The following NR4A3 variants were observed in gnomAD, a reference collection of about 807,000 sequenced individuals.
NR4A3 encodes nuclear receptor subfamily 4 group A member 3, also known as chondrosarcoma, extraskeletal myxoid, fused to EWS.
Under a neutral mutation model 55.6 loss-of-function variants are expected in NR4A3, and 13 were observed. The ratio of observed to expected loss-of-function variants is 0.23; its 90% CI spans 0.15 to 0.37. The LOEUF (loss-of-function observed/expected upper bound fraction) is 0.37. NR4A3 is among the 10% of genes least tolerant of loss of function. The pLI is 1.00. For missense variants in NR4A3, 646 were observed against 822.8 expected, an observed-to-expected ratio of 0.79 and a Z score of 2.63; for synonymous variants, 342 against 357.9, an observed-to-expected ratio of 0.96 and a Z score of 0.50.
At chr9:99,829,541 C>T (rs947782386) in intron 3 of NR4A3, among the ~76,000 whole-genome samples, 1 of 152,294 alleles carries the variant, frequency 6.6e-6, no homozygotes, top group South Asian at 2.1e-4. Flanking sequence ...AGAGGTTAAT[C>T]AGCTGCCTCA....
intron 7 of NR4A3, among the ~76,000 whole-genome samples, chr9:99,848,628 G>A (rs1268088684): frequency 6.6e-6 from 1 of 152,190 alleles, no homozygotes; most frequent in Non-Finnish European, 1.5e-5. Flanking sequence ...CCTGGCGTGA[G>A]CCACCACACC....
At chr9:99,844,602 T>C in intron 5 of NR4A3, 47 bp from the exon 6 acceptor site, 1 of 1,510,418 alleles carries the variant, frequency 6.6e-7, no homozygotes, top group East Asian at 2.3e-5. Flanking sequence ...GATGCCATCA[T>C]CCCCACTGAA....
chr9:99,860,440 T>A (rs765130390), intron 7 of NR4A3, among the ~76,000 whole-genome samples: 3 of 152,232 alleles, frequency 2.0e-5, no homozygotes, highest in Non-Finnish European at 2.9e-5. Flanking sequence ...GTTAAATGTT[T>A]CCTTTGGATA....
chr9:99,829,467 TAACAGTGTTTTAA>T (rs1224070590), intron 3 of NR4A3, among the ~76,000 whole-genome samples: 4 of 152,228 alleles, frequency 2.6e-5, no homozygotes, highest in African/African-American at 9.6e-5. Context: ...CTATTTTTAG[TAACAGTGTTTTAA>T]AACAGTGTTT....
chr9:99,833,963 G>A (rs1314071753), intron 5 of NR4A3: 2 of 1,149,356 alleles, frequency 1.7e-6, no homozygotes, highest in African/African-American at 3.2e-5. Flanking sequence ...AACTGGGATG[G>A]AACGCCACCT....
intron 7 of NR4A3, among the ~76,000 whole-genome samples, chr9:99,853,372 C>T (rs1222041435): frequency 8.0e-6 from 1 of 124,274 alleles, no homozygotes; most frequent in Non-Finnish European, 1.6e-5. Flanking sequence ...TACATGTGCA[C>T]ATTGTGCAGG....
chr9:99,857,925 A>G (rs1827954708), intron 7 of NR4A3, among the ~76,000 whole-genome samples: 1 of 152,142 alleles, frequency 6.6e-6, no homozygotes, highest in African/African-American at 2.4e-5. Flanking sequence ...ATTTATTTTT[A>G]GCAGCTTACA....
chr9:99,850,355 C>G (rs899589698), intron 7 of NR4A3, among the ~76,000 whole-genome samples: 4 of 152,168 alleles, frequency 2.6e-5, no homozygotes, highest in African/African-American at 9.7e-5. Context: ...TCCCTGAAGG[C>G]CACATCTTTG....
rs1827199917 is a variant in NR4A3 at position 99,822,465 on chromosome 9, G to A, written c.-177+58G>A. ...ACTTGCTAAAAAAGTTGGCTTGCTG[G>A]GAAGCGTCGCTCCTGAAATTGACAA... On this transcript the variant is annotated intron_variant, in intron 1 of 7. Transcript: ENST00000395097. The surrounding 1 kb of genome is among the most constrained non-coding windows in gnomAD (Gnocchi z 4.9). 6.6e-6 allele frequency: 1 copy of A among 152,360 alleles called. No homozygotes were observed. The highest frequency in any genetic ancestry group is 6.5e-5 in the Admixed American group (1 of 15,282). 9.4% of individuals were successfully genotyped at this position (152,360 alleles called of 1,614,324 possible). A position where few individuals can be genotyped will look rare whatever the true frequency, so the allele number is the denominator to read the frequency against.
rs958022141 is a variant in NR4A3 at position 99,866,701 on chromosome 9, C to T, written c.*2834C>T. On this transcript the variant is annotated 3_prime_UTR_variant, in exon 8 of 8. Transcript: ENST00000395097. The stretch of plus-strand genomic sequence containing the variant: ...TCAGTGTGAACATGCCTTCTGTGGG[C>T]GGAAATCAGGAAGCCACCAGCTGTT... 4.0e-5 allele frequency: 9 copies of T among 223,286 alleles called. No homozygotes were observed. The highest frequency in any genetic ancestry group is 1.8e-4 in the South Asian group (1 of 5,414). The allele number at this position is 223,286 out of a possible 1,614,324, so 13.8% of individuals were successfully genotyped here.
intron 5 of NR4A3, among the ~76,000 whole-genome samples, chr9:99,838,868 T>C (rs1827603918): frequency 6.6e-6 from 1 of 152,222 alleles, no homozygotes; most frequent in South Asian, 2.1e-4. Flanking sequence ...TCGATATAGT[T>C]TATAATAACA....
At chr9:99,841,451 A>G (rs1827649222) in intron 5 of NR4A3, among the ~76,000 whole-genome samples, 2 of 152,222 alleles carry the variant, frequency 1.3e-5, no homozygotes, top group African/African-American at 4.8e-5. Flanking sequence ...CAGGGCTGAA[A>G]ATCAAAAACT....
chr9:99,866,150 TAATA>T lies in NR4A3; in HGVS notation c.*2288_*2291del, dbSNP rs2118196897. The T allele has an allele frequency of 4.7e-6, 1 of 211,066 alleles. No homozygotes were observed. Among genetic ancestry groups the T allele is most frequent in the East Asian group, 7.2e-5 (1 of 13,920 alleles). The allele number at this position is 211,066 out of a possible 1,614,324, so 13.1% of individuals were successfully genotyped here. A position where few individuals can be genotyped will look rare whatever the true frequency, so the allele number is the denominator to read the frequency against. ...AATTTTTTGAGCTTATATGCAAACA[TAATA>T]AATATTATTAAATATCAGGAAAGCT... On this transcript the variant is annotated 3_prime_UTR_variant, in exon 8 of 8. Coordinates refer to ENST00000395097, the MANE Select transcript of NR4A3 (RefSeq NM_006981.4).
rs1174879665 is a variant in NR4A3, at chr9:99,828,075, C to T, written c.33C>T (p.Ser11=). MPCVQAQYSP[S]PPGSSYAAQT... ...GCGTCCAAGCCCAATATAGCCCTTC[C>T]CCTCCAGGTTCCAGTTATGCGGCGC... The change falls in exon 3 of 8, where the codon TCC becomes TCT. Residue 11 remains serine (S), a synonymous_variant. Coordinates refer to ENST00000395097, the MANE Select transcript of NR4A3 (RefSeq NM_006981.4). This position sits in a 1 kb window ranked among gnomAD's most constrained non-coding sequence, Gnocchi z 7.7. The T allele has an allele frequency of 1.9e-6, 3 of 1,614,038 alleles. No individual in the cohort carries two copies. In the Admixed American group the frequency reaches 5.0e-5, roughly 27 times the overall value.
At position 99,866,675 on chromosome 9, in the gene NR4A3, C is replaced by A. The variant is rs572406187; in HGVS notation, c.*2808C>A. 1 of 224,602 alleles carries A rather than the reference C, an allele frequency of 4.5e-6. No homozygotes were observed. Among genetic ancestry groups the A allele is most frequent in the East Asian group, 6.4e-5 (1 of 15,672 alleles). The allele number at this position is 224,602 out of a possible 1,614,324, so 13.9% of individuals were successfully genotyped here. ...TTCCTCCCCTTGGCGGGAGAGCTCT[C>A]TCAGTGTGAACATGCCTTCTGTGGG... On this transcript the variant is annotated 3_prime_UTR_variant, in exon 8 of 8. Coordinates refer to ENST00000395097, the MANE Select transcript of NR4A3 (RefSeq NM_006981.4).
intron 7 of NR4A3, among the ~76,000 whole-genome samples, chr9:99,857,912 T>C (rs1827954572): frequency 6.6e-6 from 1 of 152,178 alleles, no homozygotes; most frequent in Non-Finnish European, 1.5e-5. Flanking sequence ...TCCCAACCTG[T>C]ATATTTATTT....
At chr9:99,834,676 C>T in intron 5 of NR4A3, 1 of 411,996 alleles carries the variant, frequency 2.4e-6, no homozygotes, top group Non-Finnish European at 3.3e-6. Flanking sequence ...TGTGTCCCTG[C>T]TATGTGCCCT....
chr9:99,827,456 G>C (rs972310002), intron 2 of NR4A3, among the ~76,000 whole-genome samples: 16 of 152,186 alleles, frequency 1.1e-4, no homozygotes, highest in African/African-American at 3.9e-4. Context: ...TATTGGAAGA[G>C]TGGGGATGAG....
intron 5 of NR4A3, among the ~76,000 whole-genome samples, chr9:99,839,366 C>T (rs1827610809): frequency 1.3e-5 from 2 of 152,182 alleles, no homozygotes; most frequent in Non-Finnish European, 2.9e-5. Context: ...GTGTCCTTAG[C>T]GTAGTCTACA....
Sources: gnomAD v4.1 joint callset for allele counts (sites outside exome capture counted in the v4.1 genomes callset) on GRCh38, gnomAD v4.1.1 for gene constraint, Gnocchi (gnomAD v3.1) non-coding constraint, MANE v1.5 for transcripts, NCBI Gene and HGNC (gene_info 2026-07-23, HGNC 2026-07-21) for gene names.